The following CDH13 variants were observed in gnomAD, a reference collection of about 807,000 sequenced individuals.
CDH13 encodes cadherin-13.
CDH13 carries 24 observed loss-of-function variants against 63.8 expected under a neutral mutation model. The observed-to-expected ratio is 0.38, with a 90% CI of 0.27 to 0.53. The LOEUF (loss-of-function observed/expected upper bound fraction) is 0.53, where lower values mean the gene tolerates loss of function less well. Ranked by LOEUF, CDH13 falls within the 20% of genes least tolerant of loss-of-function variation. CDH13 has a pLI of 0.85. For synonymous variants in CDH13, 503 were observed against 355.3 expected (o/e 1.42, Z -4.67); for missense variants, 1,049 against 903.1 (o/e 1.16, Z -2.07).
At chr16:82,891,570 T>C (rs1400265816) in intron 2 of CDH13, among the ~76,000 whole-genome samples, 1 of 152,222 alleles carries the variant, frequency 6.6e-6, no homozygotes, top group Non-Finnish European at 1.5e-5. Flanking sequence ...CATGCACTTA[T>C]CGGACATATG....
At chr16:82,769,754 G>T (rs2035191578) in intron 1 of CDH13, among the ~76,000 whole-genome samples, 1 of 152,166 alleles carries the variant, frequency 6.6e-6, no homozygotes, top group South Asian at 2.1e-4. Context: ...GAATCAATGT[G>T]TTTCCATTGA....
chr16:83,644,488 G>A (rs961940680), intron 8 of CDH13, among the ~76,000 whole-genome samples: 2 of 152,210 alleles, frequency 1.3e-5, no homozygotes, highest in Non-Finnish European at 2.9e-5. Context: ...ACTCCCAAAA[G>A]CAAAATGCCT....
chr16:83,356,576 G>C (rs907903001), intron 6 of CDH13, among the ~76,000 whole-genome samples: 1 of 152,108 alleles, frequency 6.6e-6, no homozygotes, highest in African/African-American at 2.4e-5. Context: ...GCAGTCTAGA[G>C]CTGCTGCTTC....
At chr16:82,944,785 A>T (rs1368359083) in intron 2 of CDH13, among the ~76,000 whole-genome samples, 3 of 152,158 alleles carry the variant, frequency 2.0e-5, no homozygotes, top group Non-Finnish European at 4.4e-5. Context: ...AGAAAGAGAG[A>T]GAGAGAGACA....
At chr16:83,214,387 G>A (rs756127613) in intron 4 of CDH13, among the ~76,000 whole-genome samples, 1 of 151,628 alleles carries the variant, frequency 6.6e-6, no homozygotes, top group Non-Finnish European at 1.5e-5. Context: ...CGAGATTAGC[G>A]TGGCCAACAT....
chr16:83,787,114 C>T (rs1361906803), intron 13 of CDH13, among the ~76,000 whole-genome samples: 1 of 152,134 alleles, frequency 6.6e-6, no homozygotes, highest in Non-Finnish European at 1.5e-5. Flanking sequence ...CTATTTTGTG[C>T]AGTTTGTAAA....
chr16:83,327,634 G>A (rs1357798022), intron 5 of CDH13, among the ~76,000 whole-genome samples: 4 of 152,304 alleles, frequency 2.6e-5, no homozygotes, highest in Non-Finnish European at 5.9e-5. Flanking sequence ...CAGTAGGCCT[G>A]TAGCAATAAG....
chr16:82,721,424 G>A (rs182343462), intron 1 of CDH13, among the ~76,000 whole-genome samples: 274 of 152,232 alleles, frequency 1.8e-3, no homozygotes, highest in South Asian at 3.7e-3. Context: ...GAGGTCCTCA[G>A]GCAGTTAAAG....
chr16:82,935,079 C>T (rs532280224), intron 2 of CDH13, among the ~76,000 whole-genome samples: 82 of 152,298 alleles, frequency 5.4e-4, no homozygotes, highest in African/African-American at 1.9e-3. Flanking sequence ...CAAAGACATA[C>T]CTGAGACTGG....
intron 5 of CDH13, among the ~76,000 whole-genome samples, chr16:83,287,394 A>G (rs1398029245): frequency 6.6e-6 from 1 of 152,216 alleles, no homozygotes; most frequent in Non-Finnish European, 1.5e-5. Context: ...GCAGGCAAGC[A>G]AGCAAGCCAA....
At chr16:83,347,516 A>G (rs2090865214) in intron 6 of CDH13, among the ~76,000 whole-genome samples, 1 of 152,210 alleles carries the variant, frequency 6.6e-6, no homozygotes. Context: ...GAACACAGCC[A>G]TCAGGTATCA....
intron 6 of CDH13, among the ~76,000 whole-genome samples, chr16:83,372,632 G>A: frequency 6.6e-6 from 1 of 151,330 alleles, no homozygotes; most frequent in East Asian, 1.9e-4. Context: ...TGCAACTGTA[G>A]TCCCAGCTAC....
chr16:83,725,084 G>A (rs569625807), intron 10 of CDH13, among the ~76,000 whole-genome samples: 8 of 152,292 alleles, frequency 5.3e-5, no homozygotes, highest in African/African-American at 1.9e-4. Flanking sequence ...TAGTATAAAA[G>A]CTATGATGAA....
At chr16:83,030,364 A>C (rs1053026497) in intron 2 of CDH13, among the ~76,000 whole-genome samples, 2 of 152,110 alleles carry the variant, frequency 1.3e-5, no homozygotes, top group African/African-American at 4.8e-5. Flanking sequence ...GGATTCTTAA[A>C]AAGTACCCTG....
intron 2 of CDH13, among the ~76,000 whole-genome samples, chr16:82,863,100 T>A (rs138275071): frequency 1.8e-4 from 28 of 152,248 alleles, no homozygotes; most frequent in Admixed American, 1.3e-4. Flanking sequence ...CGATGCAGGA[T>A]CACAGTCTCT....
At chr16:82,823,192 A>G (rs900835257) in intron 1 of CDH13, 1 of 152,188 alleles carries the variant, frequency 6.6e-6, no homozygotes, top group African/African-American at 2.4e-5. Context: ...CCTTTGCCAC[A>G]TTTCTTTTTT....
intron 1 of CDH13, among the ~76,000 whole-genome samples, chr16:82,679,117 C>T (rs3893935): frequency 0.074 from 11,331 of 152,242 alleles, 948 homozygotes; most frequent in East Asian, 0.22. Flanking sequence ...AAAGCTTGCC[C>T]GAGGAACGCC....
intron 1 of CDH13, among the ~76,000 whole-genome samples, chr16:82,856,787 AG>A (rs1376351847): frequency 6.6e-6 from 1 of 151,888 alleles, no homozygotes; most frequent in Non-Finnish European, 1.5e-5. Context: ...AAGTCAGGGA[AG>A]AGAAGGCAGG....
intron 1 of CDH13, among the ~76,000 whole-genome samples, chr16:82,711,829 G>A (rs1023588962): frequency 6.6e-6 from 1 of 152,184 alleles, no homozygotes; most frequent in Non-Finnish European, 1.5e-5. Flanking sequence ...TCAGTGCCTC[G>A]AGGACTTGTT....
Sources: gnomAD v4.1 joint callset for allele counts (sites outside exome capture counted in the v4.1 genomes callset) on GRCh38, gnomAD v4.1.1 for gene constraint, MANE v1.5 for transcripts, NCBI Gene and HGNC (gene_info 2026-07-23, HGNC 2026-07-21) for gene names.